NUP133: variants seen among roughly 807,000 people sequenced by gnomAD.
NUP133 encodes the protein nucleoporin 133.
NUP133 carries 66 observed loss-of-function variants against 146.2 expected under a neutral mutation model. The ratio of observed to expected loss-of-function variants is 0.45; its 90% CI spans 0.37 to 0.55. The LOEUF (loss-of-function observed/expected upper bound fraction) is 0.55, where lower values mean the gene tolerates loss of function less well. Among genes scored for constraint, NUP133 ranks in the 20% least tolerant of loss-of-function variants. The probability of loss-of-function intolerance (pLI) is 0.00; values close to 1 mark genes in which losing one functional copy is unlikely to be tolerated. For missense variants in NUP133, 1,277 were observed against 1,374.8 expected (o/e 0.93, Z 1.12); for synonymous variants, 521 against 498.8 (o/e 1.04, Z -0.59).
intron 2 of NUP133, among the ~76,000 whole-genome samples, chr1:229,503,004 A>G (rs150883464): frequency 0.03 from 4,512 of 152,054 alleles, 210 homozygotes; most frequent in African/African-American, 0.1. Flanking sequence ...AGGGTGGCTC[A>G]CGCCTGTAAT....
chr1:229,441,590 A>C lies in NUP133; in HGVS notation c.*314T>G. On this transcript the variant is annotated 3_prime_UTR_variant, in exon 26 of 26. Coordinates refer to ENST00000261396, the MANE Select transcript of NUP133 (RefSeq NM_018230.3). ...CATAGTCGCAGAAACTGAGGCCTAGAAGTGATTTGTACATGTGAGCAGCTA... is the reference window on the plus strand; with the variant it reads ...CATAGTCGCAGAAACTGAGGCCTAGCAGTGATTTGTACATGTGAGCAGCTA... 1 of 421,362 alleles carries C rather than the reference A, an allele frequency of 2.4e-6. No homozygotes were observed. Among genetic ancestry groups the C allele is most frequent in the East Asian group, 6.6e-5 (1 of 15,046 alleles). 26.1% of individuals were successfully genotyped at this position (421,362 alleles called of 1,614,324 possible).
intron 11 of NUP133, 140 bp from the exon 12 acceptor site, chr1:229,484,285 C>A: frequency 2.0e-6 from 1 of 503,932 alleles, no homozygotes; most frequent in Non-Finnish European, 3.5e-6. Context: ...CAGGGGTGTC[C>A]AATCTTTTGG....
At chr1:229,475,281 G>A (rs1661049135) in intron 14 of NUP133, among the ~76,000 whole-genome samples, 2 of 152,098 alleles carry the variant, frequency 1.3e-5, no homozygotes, top group South Asian at 2.1e-4. Context: ...ATATATGTGA[G>A]GATAACCTTT....
At chr1:229,446,525 C>G (rs184413195) in intron 24 of NUP133, among the ~76,000 whole-genome samples, 1 of 151,714 alleles carries the variant, frequency 6.6e-6, no homozygotes, top group Non-Finnish European at 1.5e-5. Context: ...GCCAGAAGAT[C>G]GAGAACATCC....
chr1:229,505,147 C>T (rs1661901543), intron 2 of NUP133, among the ~76,000 whole-genome samples: 1 of 152,144 alleles, frequency 6.6e-6, no homozygotes, highest in African/African-American at 2.4e-5. Flanking sequence ...AGATTGGACA[C>T]CCCTGAGACT....
intron 23 of NUP133, among the ~76,000 whole-genome samples, chr1:229,449,786 A>T (rs1465523824): frequency 6.7e-6 from 1 of 149,500 alleles, no homozygotes; most frequent in East Asian, 1.9e-4. Flanking sequence ...TATCCTACAG[A>T]ATTTTCACTA....
intron 12 of NUP133, among the ~76,000 whole-genome samples, chr1:229,482,712 A>G (rs953592513): frequency 1.2e-4 from 19 of 152,156 alleles, no homozygotes; most frequent in African/African-American, 4.3e-4. Flanking sequence ...CTGCTTAGGC[A>G]CGCTCTCACT....
At chr1:229,452,763 C>T (rs897423934) in intron 21 of NUP133, 120 bp from the exon 22 acceptor site, 1 of 625,254 alleles carries the variant, frequency 1.6e-6, no homozygotes, top group African/African-American at 1.8e-5. Flanking sequence ...CAGAGGTAAA[C>T]CTATCTTTAT....
chr1:229,462,870 C>T (rs903211152), intron 19 of NUP133, among the ~76,000 whole-genome samples: 3 of 151,832 alleles, frequency 2.0e-5, no homozygotes, highest in African/African-American at 7.3e-5. Context: ...GTTTTTTAAA[C>T]AGGAAGCATA....
chr1:229,442,467 T>C (rs190884859), intron 25 of NUP133, among the ~76,000 whole-genome samples: 9 of 152,342 alleles, frequency 5.9e-5, no homozygotes, highest in African/African-American at 1.9e-4. Flanking sequence ...AAAAGAATCA[T>C]TTCTTCACAA....
intron 4 of NUP133, 48 bp from the exon 5 acceptor site, chr1:229,499,866 C>T (rs1358904830): frequency 8.9e-6 from 14 of 1,572,590 alleles, no homozygotes; most frequent in African/African-American, 1.4e-5. Flanking sequence ...AAGAGGAACC[C>T]AAAAACCAGC....
At chr1:229,452,346 T>G (rs78681833) in intron 22 of NUP133, among the ~76,000 whole-genome samples, 179 bp downstream of exon 22, 1 of 152,346 alleles carries the variant, frequency 6.6e-6, no homozygotes, top group Non-Finnish European at 1.5e-5. Context: ...TGCTGATTAA[T>G]TTTTCTCTAA....
intron 16 of NUP133, 79 bp from the exon 17 acceptor site, chr1:229,465,598 A>C (rs2102758804): frequency 9.4e-7 from 1 of 1,065,970 alleles, no homozygotes; most frequent in East Asian, 2.4e-5. Context: ...AAGACAGCAA[A>C]GTAAATTAGT....
At chr1:229,454,432 T>C (rs1375079585) in intron 21 of NUP133, among the ~76,000 whole-genome samples, 2 of 152,190 alleles carry the variant, frequency 1.3e-5, no homozygotes, top group East Asian at 1.9e-4. Context: ...TTTCTGTACC[T>C]AGAAAATCAG....
At position 229,460,747 on chromosome 1, in the gene NUP133, C is replaced by T. The variant is rs762406885; in HGVS notation, c.2708G>A (p.Arg903His). The part of the protein sequence containing the change: ...ADQNFSDFLF[R>H]WYLEKGKRGK... ...TCGCTTTCCTTTCTCCAGATACCAA[C>T]GGAAGAGAAAGTCTGAAAAATTCTA... Residue 903 changes from arginine (R) to histidine (H), a missense_variant, in exon 20 of 26, where the codon CGT becomes CAT. By Grantham distance (29) the Arg-to-His change is conservative. Transcript: ENST00000261396. The T allele has an allele frequency of 7.6e-5, 122 of 1,611,210 alleles. No individual in the cohort carries two copies. Among genetic ancestry groups the T allele is most frequent in the African/African-American group, 2.1e-4 (16 of 74,772 alleles).
At chr1:229,464,461 G>A (rs921086402) in intron 18 of NUP133, among the ~76,000 whole-genome samples, 163 bp downstream of exon 18, 20 of 152,158 alleles carry the variant, frequency 1.3e-4, no homozygotes, top group African/African-American at 3.9e-4. Flanking sequence ...AGATAGTACT[G>A]GAAAAAAAGT....
chr1:229,481,689 ACT>A (rs1661215325), intron 12 of NUP133, among the ~76,000 whole-genome samples: 1 of 143,034 alleles, frequency 7.0e-6, no homozygotes, highest in Admixed American at 7.3e-5. Context: ...ACAGAGTGAG[ACT>A]CTGTCTCAAA....
rs565984090 is a variant in NUP133, at chr1:229,464,689, C to T, written c.2486G>A (p.Arg829Gln). The T allele has an allele frequency of 4.8e-5, 78 of 1,614,148 alleles. No homozygotes were observed. The highest frequency in any genetic ancestry group is 1.1e-4 in the East Asian group (5 of 44,882). ...CATCTCCAGATTGTCATATCTTTCC[C>T]GATTACTGGATTTATCCACAGACTT... is the stretch of plus-strand genomic sequence containing the variant. ...QLKSVDKSSN[R>Q]ERYDNLEMEY... The change falls in exon 18 of 26, where the codon CGG (arginine) becomes CAG (glutamine). Residue 829 changes from arginine to glutamine, a missense_variant. This residue lies in a region of NUP133 where 952 missense variants were observed against 1,047.0 expected (regional missense o/e 0.91). Coordinates refer to ENST00000261396, the MANE Select transcript of NUP133 (RefSeq NM_018230.3).
At position 229,460,593 on chromosome 1, in the gene NUP133, T is replaced by C. The variant is rs1306242853; in HGVS notation, c.2844+18A>G. Reference sequence around the variant, plus strand: ...AAATAAATTGCACACATCTGCTCCATAGAAAAATCCTTCTTACCTTTTCTA... The same window carrying C: ...AAATAAATTGCACACATCTGCTCCACAGAAAAATCCTTCTTACCTTTTCTA... On this transcript the variant is annotated intron_variant, in intron 20 of 25. Coordinates refer to ENST00000261396, the MANE Select transcript of NUP133 (RefSeq NM_018230.3). 10 of 1,608,752 alleles carry C rather than the reference T, an allele frequency of 6.2e-6. No homozygotes were observed. Among genetic ancestry groups the C allele is most frequent in the Middle Eastern group, 1.7e-4 (1 of 6,052 alleles).
Sources: allele counts gnomAD v4.1 joint callset (sites outside exome capture counted in the v4.1 genomes callset), GRCh38; gene constraint gnomAD v4.1.1; regional missense constraint gnomAD v4.1.1; transcripts MANE v1.5; gene names NCBI Gene and HGNC (gene_info 2026-07-23, HGNC 2026-07-21).